The following NRXN3 variants were observed in gnomAD, a reference collection of about 807,000 sequenced individuals.
NRXN3 encodes neurexin 3.
A neutral mutation model predicts 137.6 loss-of-function variants in NRXN3; 32 were observed. The observed-to-expected ratio is 0.23, with a 90% CI of 0.18 to 0.31. The LOEUF is 0.31. Ranked by LOEUF, NRXN3 falls within the 10% of genes least tolerant of loss-of-function variation. NRXN3 has a pLI of 1.00. For synonymous variants in NRXN3, 798 were observed against 784.5 expected (o/e 1.02, Z -0.29); for missense variants, 1,574 against 2,062.5 (o/e 0.76, Z 4.59).
chr14:78,444,090 T>TG (rs2094341247), intron 4 of NRXN3, among the ~76,000 whole-genome samples: 1 of 152,172 alleles, frequency 6.6e-6, no homozygotes, highest in Admixed American at 6.5e-5. Flanking sequence ...AAATCAGAGT[T>TG]AGGGCTTAAA....
chr14:78,193,723 C>T (rs1318362641), intron 1 of NRXN3, among the ~76,000 whole-genome samples: 1 of 146,408 alleles, frequency 6.8e-6, no homozygotes, highest in Non-Finnish European at 1.5e-5. Context: ...GATTGTGCCA[C>T]TGCACTCCAG....
intron 14 of NRXN3, among the ~76,000 whole-genome samples, chr14:78,969,814 AGTGTGTGTGTGTGT>A (rs376306137): frequency 0.086 from 12,169 of 141,474 alleles, 757 homozygotes; most frequent in Admixed American, 0.11. Context: ...TGTACTATGT[AGTGTGTGTGTGTGT>A]GTGTGTGTGT....
chr14:78,918,375 T>A (rs154378), intron 10 of NRXN3, among the ~76,000 whole-genome samples: 2 of 150,864 alleles, frequency 1.3e-5, no homozygotes, highest in East Asian at 3.9e-4. Context: ...TCTGGTCATT[T>A]CATAATAAAA....
intron 15 of NRXN3, among the ~76,000 whole-genome samples, chr14:79,429,453 C>T (rs555158324): frequency 1.3e-5 from 2 of 152,276 alleles, no homozygotes; most frequent in African/African-American, 2.4e-5. Context: ...TTAGTTTCCT[C>T]GTCTCTAAAA....
rs1399750050 is a variant in NRXN3, at chr14:78,224,791, G to A, written c.-703-17600G>A. Among the ~76,000 whole-genome samples the A allele has an allele frequency of 4.6e-5, 5 of 107,768 alleles. No homozygotes were observed. In the East Asian group the frequency reaches 9.4e-4, roughly 20 times the overall value. 70.7% of individuals were successfully genotyped at this position (107,768 alleles called of 152,430 possible). On this transcript the variant is annotated intron_variant, in intron 1 of 20. Transcript: ENST00000335750. The stretch of plus-strand genomic sequence containing the variant: ...TTTTTTTTTTTTGAGACGGAGTCTC[G>A]CTCTGTCGCCCAGGCTGGACTGCGG...
At chr14:79,726,980 G>A (rs2154068655) in intron 19 of NRXN3, among the ~76,000 whole-genome samples, 1 of 152,182 alleles carries the variant, frequency 6.6e-6, no homozygotes, top group East Asian at 1.9e-4. Context: ...ACACTGTTGG[G>A]AAAACTAAAA....
intron 10 of NRXN3, among the ~76,000 whole-genome samples, chr14:78,899,618 A>T (rs2099189053): frequency 6.6e-6 from 1 of 152,024 alleles, no homozygotes; most frequent in African/African-American, 2.4e-5. Context: ...TTAAGCTAAT[A>T]TACATTCTTT....
At chr14:79,217,774 C>T (rs975645419) in intron 15 of NRXN3, among the ~76,000 whole-genome samples, 10 of 152,104 alleles carry the variant, frequency 6.6e-5, no homozygotes, top group Admixed American at 3.3e-4. Flanking sequence ...GACCAGGCAT[C>T]AATATTTAAA....
At chr14:78,918,019 C>T (rs2099260573) in intron 10 of NRXN3, among the ~76,000 whole-genome samples, 1 of 144,616 alleles carries the variant, frequency 6.9e-6, no homozygotes, top group African/African-American at 2.6e-5. Context: ...GGCATGGTAG[C>T]TCACGCCTGT....
intron 4 of NRXN3, among the ~76,000 whole-genome samples, chr14:78,627,105 T>TC (rs2097469559): frequency 1.4e-4 from 2 of 14,388 alleles, no homozygotes; most frequent in Non-Finnish European, 2.3e-4. Context: ...CTCCCTCCCT[T>TC]CTCTCTCTCT....
chr14:79,720,235 T>C (rs1243813288), intron 19 of NRXN3, among the ~76,000 whole-genome samples: 1 of 152,038 alleles, frequency 6.6e-6, no homozygotes, highest in Non-Finnish European at 1.5e-5. Flanking sequence ...TATAAAACCA[T>C]CAGATCTCTT....
chr14:79,288,011 T>G (rs140117394), intron 15 of NRXN3, among the ~76,000 whole-genome samples: 4 of 152,364 alleles, frequency 2.6e-5, no homozygotes, highest in Middle Eastern at 6.8e-3. Context: ...TGCATGAGTC[T>G]CTGATTTGTA....
intron 5 of NRXN3, 153 bp downstream of exon 5, chr14:78,645,574 A>C: frequency 1.8e-6 from 1 of 570,010 alleles, no homozygotes; most frequent in Non-Finnish European, 2.9e-6. Flanking sequence ...TTGCAATTTC[A>C]CGTGGAAAAT....
chr14:79,008,013 C>T (rs1398852652), intron 15 of NRXN3, among the ~76,000 whole-genome samples: 3 of 151,980 alleles, frequency 2.0e-5, no homozygotes, highest in Admixed American at 2.0e-4. Flanking sequence ...CCCAAGGTGA[C>T]TCCAATTCTC....
At chr14:78,962,841 G>A (rs946983897) in intron 11 of NRXN3, among the ~76,000 whole-genome samples, 20 of 152,082 alleles carry the variant, frequency 1.3e-4, no homozygotes, top group Non-Finnish European at 2.1e-4. Flanking sequence ...AGCCTCCCAA[G>A]TAGCTGGGAC....
chr14:79,776,738 C>A (rs537700291), intron 19 of NRXN3, among the ~76,000 whole-genome samples: 1 of 152,238 alleles, frequency 6.6e-6, no homozygotes, highest in South Asian at 2.1e-4. Flanking sequence ...AGGGACAGAG[C>A]AGGAAAAGCA....
At chr14:79,787,780 TCAC>T (rs1489505476) in intron 19 of NRXN3, among the ~76,000 whole-genome samples, 2 of 152,154 alleles carry the variant, frequency 1.3e-5, no homozygotes, top group African/African-American at 2.4e-5. Flanking sequence ...TATATATATA[TCAC>T]ATTTAAAAAA....
intron 15 of NRXN3, among the ~76,000 whole-genome samples, chr14:79,234,877 C>T (rs1195333563): frequency 2.6e-5 from 4 of 151,916 alleles, no homozygotes; most frequent in Non-Finnish European, 4.4e-5. Context: ...GGAAATACTA[C>T]ACTAGGAAAA....
chr14:78,631,509 G>T (rs1461851823), intron 4 of NRXN3, among the ~76,000 whole-genome samples: 1 of 152,170 alleles, frequency 6.6e-6, no homozygotes, highest in Non-Finnish European at 1.5e-5. Flanking sequence ...TTCTGAAGAG[G>T]TTTAGAATTT....
Sources: gnomAD v4.1 joint callset for allele counts (sites outside exome capture counted in the v4.1 genomes callset) on GRCh38, gnomAD v4.1.1 for gene constraint, MANE v1.5 for transcripts, NCBI Gene and HGNC (gene_info 2026-07-23, HGNC 2026-07-21) for gene names.